Variants in FHIP1A observed in about 807,000 individuals in gnomAD.
The protein encoded by FHIP1A is FHF complex subunit HOOK interacting protein 1A.
In FHIP1A, 61 loss-of-function variants were observed where a neutral mutation model predicts 88.6. The ratio of observed to expected loss-of-function variants is 0.69; its 90% confidence interval spans 0.56 to 0.85. The LOEUF is 0.85. FHIP1A is among the 40% of genes least tolerant of loss of function. FHIP1A has a pLI of 0.00. For synonymous variants in FHIP1A, 478 were observed against 496.0 expected (o/e 0.96, Z 0.48); for missense variants, 1,154 against 1,273.5 (o/e 0.91, Z 1.43).
intron 9 of FHIP1A, among the ~76,000 whole-genome samples, chr4:151,641,461 G>A (rs981377279): frequency 7.9e-5 from 12 of 152,264 alleles, no homozygotes; most frequent in African/African-American, 1.2e-4. Flanking sequence ...CCTGCGGGCC[G>A]CATGTGGCCC....
rs370883240 is a variant in FHIP1A, at chr4:151,650,483, T to C, written c.2442T>C (p.Phe814=). The C allele has an allele frequency of 3.0e-4, 467 of 1,551,560 alleles. 2 individuals carry two copies. In the African/African-American group the frequency reaches 5.9e-3, roughly 20 times the overall value. ...ATGAGGAGGATGACTTTGACTCTTT[T>C]ATAGCGGAGATGCCTGCTGTAGAGA... is the stretch of plus-strand genomic sequence containing the variant. ...LEDEEDDFDS[F]IAEMPAVETV... Residue 814 remains phenylalanine (F), a synonymous_variant, in exon 11 of 14, where the codon TTT becomes TTC. Coordinates refer to ENST00000435205, the MANE Select transcript of FHIP1A (RefSeq NM_001109977.3).
intron 3 of FHIP1A, among the ~76,000 whole-genome samples, chr4:151,549,308 C>T (rs1732630113): frequency 6.6e-6 from 1 of 151,946 alleles, no homozygotes; most frequent in South Asian, 2.1e-4. Flanking sequence ...AATGGAGAAT[C>T]AAAGAATAAG....
intron 11 of FHIP1A, among the ~76,000 whole-genome samples, chr4:151,654,365 TC>T (rs907079709): frequency 2.6e-5 from 4 of 151,700 alleles, no homozygotes; most frequent in African/African-American, 9.7e-5. Flanking sequence ...CTGTGGATGG[TC>T]CCCCCTGGTC....
chr4:151,498,676 A>G (rs1178704898), intron 3 of FHIP1A, among the ~76,000 whole-genome samples: 1 of 152,136 alleles, frequency 6.6e-6, no homozygotes, highest in African/African-American at 2.4e-5. Context: ...TTAGCCGCGC[A>G]TGGTGGTGGG....
At chr4:151,585,967 T>C (rs1478791555) in intron 5 of FHIP1A, among the ~76,000 whole-genome samples, 2 of 152,090 alleles carry the variant, frequency 1.3e-5, no homozygotes, top group African/African-American at 4.8e-5. Flanking sequence ...TCACTTTATC[T>C]CTGCTTGAAT....
intron 5 of FHIP1A, among the ~76,000 whole-genome samples, chr4:151,580,289 C>T (rs1399029355): frequency 2.0e-5 from 3 of 152,088 alleles, no homozygotes; most frequent in Non-Finnish European, 2.9e-5. Context: ...CCTAACCCTG[C>T]ATTTCCTGCA....
intron 8 of FHIP1A, among the ~76,000 whole-genome samples, chr4:151,634,631 G>T (rs549041342): frequency 6.6e-6 from 1 of 151,604 alleles, no homozygotes; most frequent in Admixed American, 6.6e-5. Context: ...TTTGACAAGG[G>T]TGCCAAGACT....
chr4:151,573,688 G>A (rs896704543), intron 4 of FHIP1A, among the ~76,000 whole-genome samples: 1 of 151,976 alleles, frequency 6.6e-6, no homozygotes, highest in Non-Finnish European at 1.5e-5. Context: ...GAGTAGACCA[G>A]GCCGGGGGAG....
intron 4 of FHIP1A, among the ~76,000 whole-genome samples, chr4:151,569,280 G>A (rs1455207678): frequency 5.3e-5 from 8 of 152,170 alleles, no homozygotes; most frequent in Admixed American, 3.9e-4. Context: ...TTGGCCGGGC[G>A]CTGTGGCTCA....
At chr4:151,496,421 T>A (rs1730463250) in intron 3 of FHIP1A, among the ~76,000 whole-genome samples, 1 of 152,090 alleles carries the variant, frequency 6.6e-6, no homozygotes, top group African/African-American at 2.4e-5. Context: ...ATATTTGTTT[T>A]TGGAGGGAAA....
chr4:151,516,109 A>G (rs1731226070), intron 3 of FHIP1A, among the ~76,000 whole-genome samples: 1 of 152,232 alleles, frequency 6.6e-6, no homozygotes, highest in Admixed American at 6.5e-5. Context: ...AGAGATGTAG[A>G]TCAATGGAAG....
rs758698952 is a variant in FHIP1A, at chr4:151,656,766, G to A, written c.2737G>A (p.Ala913Thr). Residue 913 changes from alanine (A) to threonine (T), a missense_variant, in exon 13 of 14, where the codon GCA (alanine) becomes ACA (threonine). Coordinates refer to ENST00000435205, the MANE Select transcript of FHIP1A (RefSeq NM_001109977.3). The surrounding 1 kb of genome is among the most constrained non-coding windows in gnomAD (Gnocchi z 4.2). ...PSVRSLYQVL[A>T]SVKNKIEQFA... ...GTAATGCTGTTTTTGACAGGTCCTT[G>A]CATCTGTGAAAAACAAGATTGAACA... 5 of 1,550,976 alleles carry A rather than the reference G, an allele frequency of 3.2e-6. No homozygotes were observed. The highest frequency in any genetic ancestry group is 4.4e-6 in the Non-Finnish European group (5 of 1,146,754).
intron 3 of FHIP1A, among the ~76,000 whole-genome samples, chr4:151,504,880 C>A (rs566062633): frequency 2.8e-4 from 42 of 152,172 alleles, no homozygotes; most frequent in African/African-American, 9.9e-4. Flanking sequence ...GGCCTCCCAA[C>A]GTGCTAGGAT....
chr4:151,548,589 C>T (rs1210349194), intron 3 of FHIP1A, among the ~76,000 whole-genome samples: 1 of 152,198 alleles, frequency 6.6e-6, no homozygotes, highest in East Asian at 1.9e-4. Context: ...CTCCCATCAG[C>T]ACCATGACAG....
intron 3 of FHIP1A, among the ~76,000 whole-genome samples, chr4:151,554,673 G>A (rs1732877879): frequency 6.6e-6 from 1 of 152,152 alleles, no homozygotes; most frequent in Admixed American, 6.6e-5. Flanking sequence ...CAATTTTAAT[G>A]ACAACTTGTT....
At chr4:151,510,686 G>C (rs1435068442) in intron 3 of FHIP1A, among the ~76,000 whole-genome samples, 2 of 152,132 alleles carry the variant, frequency 1.3e-5, no homozygotes, top group Non-Finnish European at 2.9e-5. Context: ...GTGGGTTTTA[G>C]TGACTTAATG....
At chr4:151,545,779 A>T (rs947237152) in intron 3 of FHIP1A, among the ~76,000 whole-genome samples, 22 of 152,192 alleles carry the variant, frequency 1.4e-4, no homozygotes. Context: ...ATTATTTTGA[A>T]TTAAAATTTC....
chr4:151,482,342 G>A (rs1432878268), intron 2 of FHIP1A, among the ~76,000 whole-genome samples, 182 bp from the exon 3 acceptor site: 2 of 152,034 alleles, frequency 1.3e-5, no homozygotes, highest in South Asian at 4.1e-4. Flanking sequence ...CTAGCATTCA[G>A]ATTTCTAAAT....
At chr4:151,492,367 G>A (rs1039893710) in intron 3 of FHIP1A, among the ~76,000 whole-genome samples, 3 of 151,986 alleles carry the variant, frequency 2.0e-5, no homozygotes, top group Non-Finnish European at 4.4e-5. Flanking sequence ...TGAGGTGGGT[G>A]GATCACCTGA....
Sources: allele counts gnomAD v4.1 joint callset (sites outside exome capture counted in the v4.1 genomes callset), GRCh38; gene constraint gnomAD v4.1.1; non-coding constraint Gnocchi (gnomAD v3.1); transcripts MANE v1.5; gene names NCBI Gene and HGNC (gene_info 2026-07-23, HGNC 2026-07-21).